Variants in PCLO observed in about 807,000 individuals in gnomAD.
PCLO encodes piccolo presynaptic cytomatrix protein.
A neutral mutation model predicts 427.5 loss-of-function variants in PCLO; 82 were observed. The observed-to-expected ratio is 0.19, with a 90% CI of 0.16 to 0.23. The LOEUF is 0.23. Ranked by LOEUF, PCLO falls within the 10% of genes least tolerant of loss-of-function variation. PCLO has a pLI of 1.00. For synonymous variants in PCLO, 2,357 were observed against 2,155.4 expected, an observed-to-expected ratio of 1.09 and a Z score of -2.59; for missense variants, 6,239 against 6,115.9, an observed-to-expected ratio of 1.02 and a Z score of -0.67.
rs1554382433 is a variant in PCLO at position 83,038,053 on chromosome 7, T to TGA, written c.3301-71567_3301-71566insTC. Among the ~76,000 whole-genome samples the TGA allele has an allele frequency of 1.1e-4, 5 of 44,798 alleles. 1 individual carries two copies. In the Admixed American group the frequency reaches 2.0e-3, roughly 18 times the overall value. 29.4% of individuals were successfully genotyped at this position (44,798 alleles called of 152,430 possible). ...TATTTATATATTTATATATATATCT[T>TGA]TATATATATATTTATATATTTATAT... On this transcript the variant is annotated intron_variant, in intron 3 of 24. Coordinates refer to ENST00000333891, the MANE Select transcript of PCLO (RefSeq NM_033026.6).
chr7:83,108,611 C>T (rs1790926244), intron 3 of PCLO, among the ~76,000 whole-genome samples: 1 of 151,920 alleles, frequency 6.6e-6, no homozygotes, highest in African/African-American at 2.4e-5. Flanking sequence ...GAACTCCATC[C>T]TTAGTTTTTA....
intron 3 of PCLO, among the ~76,000 whole-genome samples, chr7:83,050,498 A>C (rs1789224245): frequency 6.6e-6 from 1 of 151,774 alleles, no homozygotes; most frequent in South Asian, 2.1e-4. Context: ...TCTTTTCTAG[A>C]CATCTATAAG....
At chr7:82,969,198 T>C (rs1201580877) in intron 3 of PCLO, among the ~76,000 whole-genome samples, 2 of 152,200 alleles carry the variant, frequency 1.3e-5, no homozygotes, top group South Asian at 2.1e-4. Flanking sequence ...ATTATTTTCC[T>C]ATAATTTGAA....
In PCLO at chr7:82,831,577, C is replaced by T. The variant is rs558666199; in HGVS notation, c.14250-3611G>A. Among the ~76,000 whole-genome samples the T allele has an allele frequency of 2.2e-4, 34 of 152,188 alleles. No individual in the cohort carries two copies. The South Asian group carries it at 7.0e-3, about 32-fold the overall frequency. On this transcript the variant is annotated intron_variant, in intron 16 of 24. Transcript: ENST00000333891. ...AGTGAGTGTTGTGGAACAATTACGC[C>T]TACTTATTGTAAATACTGATGTTTG...
chr7:82,839,883 A>G (rs887020935), intron 14 of PCLO, among the ~76,000 whole-genome samples: 6 of 152,044 alleles, frequency 3.9e-5, no homozygotes, highest in Non-Finnish European at 7.4e-5. Context: ...TTCATTTGAA[A>G]TGAGCCTTTG....
chr7:82,976,382 T>G (rs750491803), intron 3 of PCLO, among the ~76,000 whole-genome samples: 24 of 152,174 alleles, frequency 1.6e-4, no homozygotes, highest in Admixed American at 4.6e-4. Flanking sequence ...TCCAGCAATC[T>G]TCAGCAATCA....
intron 3 of PCLO, among the ~76,000 whole-genome samples, chr7:83,077,038 T>C (rs1475234954): frequency 6.6e-6 from 1 of 151,924 alleles, no homozygotes; most frequent in Non-Finnish European, 1.5e-5. Flanking sequence ...ATATATATTT[T>C]GCATATAGCA....
At chr7:82,984,361 T>C (rs1479691151) in intron 3 of PCLO, among the ~76,000 whole-genome samples, 1 of 151,746 alleles carries the variant, frequency 6.6e-6, no homozygotes, top group Non-Finnish European at 1.5e-5. Context: ...TCTCTTATGG[T>C]ATTGTCAAAA....
chr7:83,062,473 TTC>T (rs1438357983), intron 3 of PCLO, among the ~76,000 whole-genome samples: 2 of 152,158 alleles, frequency 1.3e-5, no homozygotes, highest in Non-Finnish European at 2.9e-5. Flanking sequence ...TTTCTTCATT[TTC>T]TTTCATAGTG....
At chr7:83,040,186 G>A (rs572388273) in intron 3 of PCLO, among the ~76,000 whole-genome samples, 1 of 152,188 alleles carries the variant, frequency 6.6e-6, no homozygotes, top group East Asian at 1.9e-4. Flanking sequence ...TAGTAAACCT[G>A]AGTAATGATC....
chr7:82,847,062 T>C (rs549241407), intron 11 of PCLO, 77 bp downstream of exon 11: 4 of 722,380 alleles, frequency 5.5e-6, no homozygotes, highest in South Asian at 1.7e-5. Context: ...CTGGCAAAGG[T>C]TCCACCTTAA....
intron 23 of PCLO, among the ~76,000 whole-genome samples, 159 bp from the exon 24 acceptor site, chr7:82,760,943 CTTTTTTTTTTTTT>C (rs767222339): frequency 3.3e-5 from 2 of 60,370 alleles, no homozygotes; most frequent in Admixed American, 2.5e-4. Flanking sequence ...AAAGATATGT[CTTTTTTTTTTTTT>C]TTTTTTTTTT....
chr7:82,781,642 G>C (rs1437141661), intron 22 of PCLO, among the ~76,000 whole-genome samples: 1 of 152,166 alleles, frequency 6.6e-6, no homozygotes, highest in African/African-American at 2.4e-5. Flanking sequence ...ACAATGTTGG[G>C]TGTGTGAGGC....
chr7:83,060,783 T>C (rs1447419390), intron 3 of PCLO, among the ~76,000 whole-genome samples: 4 of 152,192 alleles, frequency 2.6e-5, no homozygotes, highest in Non-Finnish European at 4.4e-5. Flanking sequence ...CTTTTCCTTG[T>C]TAGCCACAGT....
chr7:82,885,455 A>G (rs1201655121), intron 9 of PCLO, among the ~76,000 whole-genome samples: 2 of 152,180 alleles, frequency 1.3e-5, no homozygotes, highest in Non-Finnish European at 2.9e-5. Flanking sequence ...CAGTTAAGCC[A>G]TGCCTGGATT....
At chr7:82,792,360 T>A (rs1199059672) in intron 22 of PCLO, among the ~76,000 whole-genome samples, 1 of 151,392 alleles carries the variant, frequency 6.6e-6, no homozygotes, top group Non-Finnish European at 1.5e-5. Flanking sequence ...AAGGTCTCAC[T>A]CTGTCATCCA....
chr7:82,889,828 G>A (rs1325342744), intron 9 of PCLO, among the ~76,000 whole-genome samples: 4 of 152,006 alleles, frequency 2.6e-5, no homozygotes, highest in African/African-American at 7.2e-5. Context: ...AAAGGAAAAT[G>A]TATTTATTGG....
intron 4 of PCLO, among the ~76,000 whole-genome samples, chr7:82,958,993 C>T (rs538076135): frequency 6.6e-6 from 1 of 152,244 alleles, no homozygotes; most frequent in South Asian, 2.1e-4. Context: ...TACTTAAGCT[C>T]CTTGTGAATA....
At position 82,794,451 on chromosome 7, in the gene PCLO, TTTTTTTTC is replaced by T. The variant is rs1402357114; in HGVS notation, c.15007+7059_15007+7066del. Among the ~76,000 whole-genome samples, 73 of 47,058 alleles carry T rather than the reference TTTTTTTTC, an allele frequency of 1.6e-3. 1 individual carries two copies. In the East Asian group the frequency reaches 0.018, roughly 12 times the overall value. The allele number at this position is 47,058 out of a possible 152,430, so 30.9% of individuals were successfully genotyped here. The stretch of plus-strand genomic sequence containing the variant: ...TGTTACTGACATGCTAGTTCATAAA[TTTTTTTTC>T]TTTTTTTTTTTTTTTTTTTTTTTTT... On this transcript the variant is annotated intron_variant, in intron 22 of 24. Transcript: ENST00000333891.
Sources: allele counts gnomAD v4.1 joint callset (sites outside exome capture counted in the v4.1 genomes callset), GRCh38; gene constraint gnomAD v4.1.1; transcripts MANE v1.5; gene names NCBI Gene and HGNC (gene_info 2026-07-23, HGNC 2026-07-21).